Variants in NBPF12 observed in about 807,000 individuals in gnomAD.
The protein encoded by NBPF12 is NBPF family member NBPF12.
A neutral mutation model predicts 146.4 loss-of-function variants in NBPF12; 115 were observed. The observed-to-expected ratio is 0.79, with a 90% CI of 0.68 to 0.92. The LOEUF is 0.92. NBPF12 is among the 40% of genes least tolerant of loss of function. The probability of loss-of-function intolerance (pLI) is 0.00; values close to 1 mark genes in which losing one functional copy is unlikely to be tolerated. For missense variants in NBPF12, 1,205 were observed against 1,326.8 expected, an observed-to-expected ratio of 0.91 and a Z score of 1.43; for synonymous variants, 385 against 508.9, an observed-to-expected ratio of 0.76 and a Z score of 3.28.
At chr1:146,951,198 A>G in intron 1 of NBPF12, 150 bp from the exon 5 acceptor site, 1 of 601,034 alleles carries the variant, frequency 1.7e-6, no homozygotes. Context: ...CATATAAAGA[A>G]TCCTGTGACC....
rs1225365097 is a variant in NBPF12 at position 146,984,256 on chromosome 1, T to C, written c.2666+71T>C. ...GAGATGCCAAGTCCAGGGAAAACAG[T>C]ACACGCTGAAAATAATGATTTTGTC... On this transcript the variant is annotated intron_variant, in intron 21 of 33. Transcript: ENST00000617844. The C allele has an allele frequency of 8.6e-6, 7 of 811,064 alleles. No individual in the cohort carries two copies. In the East Asian group the frequency reaches 1.5e-4, roughly 17 times the overall value. 50.2% of individuals were successfully genotyped at this position (811,064 alleles called of 1,614,324 possible).
intron 10 of NBPF12, among the ~76,000 whole-genome samples, chr1:146,968,851 AAAATG>A (rs1656376302): frequency 6.6e-6 from 1 of 151,402 alleles, no homozygotes; most frequent in Non-Finnish European, 1.5e-5. Context: ...CAGTATACTC[AAAATG>A]GTGTGCCATC....
At chr1:146,976,353 C>A in intron 16 of NBPF12, among the ~76,000 whole-genome samples, 1 of 140,184 alleles carries the variant, frequency 7.1e-6, no homozygotes, top group Middle Eastern at 3.5e-3. Context: ...TGTGGGAACA[C>A]TTACAACTGC....
chr1:146,960,159 G>T (rs1459094829), exon 4 of NBPF12: 2 of 621,690 alleles, frequency 3.2e-6, no homozygotes, highest in Non-Finnish European at 5.5e-6. Context: ...GGTATCAGCC[G>T]GCCCTTGGTC....
chr1:146,994,451 G>C (rs782069903), exon 34 of NBPF12: 11 of 1,611,734 alleles, frequency 6.8e-6, no homozygotes, highest in Non-Finnish European at 9.3e-6. Flanking sequence ...CACTACAGAA[G>C]TGTGTTTTAC....
rs1376386321 is a variant in NBPF12 at position 146,959,181 on chromosome 1, G to A, written c.-183-678G>A. 5.9e-5 allele frequency among the ~76,000 whole-genome samples: 6 copies of A among 101,084 alleles called. 1 individual carries two copies. The highest frequency in any genetic ancestry group is 2.1e-4 in the African/African-American group (6 of 28,126). The allele number at this position is 101,084 out of a possible 152,430, so 66.3% of individuals were successfully genotyped here. A position where few individuals can be genotyped will look rare whatever the true frequency, so the allele number is the denominator to read the frequency against. On this transcript the variant is annotated intron_variant, in intron 2 of 33. Coordinates refer to ENST00000617844, the Ensembl canonical transcript of NBPF12. ...ATTAGTGGCATATATTCCCACCTGAGTAAAGAGAAGTCGGCCGTGTGCGGT... is the reference window on the plus strand; with the variant it reads ...ATTAGTGGCATATATTCCCACCTGAATAAAGAGAAGTCGGCCGTGTGCGGT...
At chr1:146,962,837 A>C in intron 5 of NBPF12, among the ~76,000 whole-genome samples, 1 of 151,114 alleles carries the variant, frequency 6.6e-6, no homozygotes, top group Non-Finnish European at 1.5e-5. Flanking sequence ...GGAATTAGGA[A>C]GACACCTACC....
At chr1:146,940,009 C>T (rs1654724071) in intron 1 of NBPF12, among the ~76,000 whole-genome samples, 1 of 151,154 alleles carries the variant, frequency 6.6e-6, no homozygotes, top group East Asian at 1.9e-4. Flanking sequence ...CCTTTTCTTG[C>T]AGTGGTATCT....
intron 4 of NBPF12, among the ~76,000 whole-genome samples, 184 bp downstream of exon 7, chr1:146,960,502 T>C (rs1655780548): frequency 6.6e-6 from 1 of 151,918 alleles, no homozygotes; most frequent in African/African-American, 2.4e-5. Context: ...TTAGCAACTT[T>C]CCATGTTTGC....
At chr1:146,950,900 T>C (rs1485743964) in intron 1 of NBPF12, among the ~76,000 whole-genome samples, 1 of 152,160 alleles carries the variant, frequency 6.6e-6, no homozygotes, top group African/African-American at 2.4e-5. Context: ...TCTGCACATA[T>C]GTTTTAATTT....
chr1:146,964,463 G>A lies in NBPF12; in HGVS notation c.566+34G>A. ...GAATACTCAGGAGCAAGTAATGGGT[G>A]GTAACATATGAAAATGTCTAGAAGG... On this transcript the variant is annotated intron_variant, in intron 7 of 33. Coordinates refer to ENST00000617844, the Ensembl canonical transcript of NBPF12. The A allele has an allele frequency of 3.1e-6, 5 of 1,595,256 alleles. No homozygotes were observed. In the South Asian group the frequency reaches 3.3e-5, roughly 11 times the overall value.
exon 16 of NBPF12, chr1:146,975,828 C>T (rs1317012132): frequency 1.9e-6 from 3 of 1,609,516 alleles, no homozygotes; most frequent in Non-Finnish European, 2.5e-6. Flanking sequence ...GGGGCAGGAC[C>T]TCCAAGAACA....
At chr1:146,992,468 G>GTGTGTGTT (rs1658249382) in intron 31 of NBPF12, among the ~76,000 whole-genome samples, 2 of 72,140 alleles carry the variant, frequency 2.8e-5, no homozygotes, top group Non-Finnish European at 5.4e-5. Flanking sequence ...CTCTCTGTGT[G>GTGTGTGTT]TGTGTGTGTG....
At chr1:146,970,078 T>C (rs1426500041) in intron 11 of NBPF12, among the ~76,000 whole-genome samples, 3 of 149,960 alleles carry the variant, frequency 2.0e-5, no homozygotes, top group Non-Finnish European at 4.4e-5. Context: ...CGAATGCTTT[T>C]CAAAATGAGA....
exon 6 of NBPF12, chr1:146,963,272 T>G (rs1213317297): frequency 4.3e-5 from 70 of 1,611,674 alleles, no homozygotes; most frequent in Non-Finnish European, 5.8e-5. Context: ...CTGAGGGGTG[T>G]AGACTGGCAC....
chr1:146,978,282 T>TTTTTC (rs1657176352), intron 18 of NBPF12, among the ~76,000 whole-genome samples: 1 of 136,736 alleles, frequency 7.3e-6, no homozygotes, highest in African/African-American at 2.8e-5. Context: ...TTTTTTTTTT[T>TTTTTC]GCGATGGAGT....
intron 2 of NBPF12, among the ~76,000 whole-genome samples, chr1:146,954,995 T>TAG (rs1655516395): frequency 2.1e-5 from 1 of 47,934 alleles, no homozygotes; most frequent in Non-Finnish European, 4.0e-5. Flanking sequence ...TATATATATA[T>TAG]ATATATATAT....
chr1:146,962,131 C>G, intron 4 of NBPF12, 30 bp from the exon 8 acceptor site: 1 of 1,606,406 alleles, frequency 6.2e-7, no homozygotes, highest in Non-Finnish European at 8.5e-7. Context: ...CAGCCTTCCA[C>G]TGAGGCAGGC....
At chr1:146,971,194 A>G in exon 13 of NBPF12, 1 of 1,611,502 alleles carries the variant, frequency 6.2e-7, no homozygotes, top group African/African-American at 1.4e-5. Flanking sequence ...GAGATGCAGA[A>G]GGCTGAAGAA....
Sources: allele counts gnomAD v4.1 joint callset (sites outside exome capture counted in the v4.1 genomes callset), GRCh38; gene constraint gnomAD v4.1.1; transcripts MANE v1.5; gene names NCBI Gene and HGNC (gene_info 2026-07-23, HGNC 2026-07-21).